AGMO: variants seen among roughly 807,000 people sequenced by gnomAD.
The protein encoded by AGMO is alkylglycerol monooxygenase.
A neutral mutation model predicts 60.2 loss-of-function variants in AGMO; 75 were observed. The ratio of observed to expected loss-of-function variants is 1.25; its 90% CI spans 1.03 to 1.51. The LOEUF is 1.51. Ranked by LOEUF, AGMO falls within the 40% of genes most tolerant of loss-of-function variation. The pLI is 0.00. For missense variants in AGMO, 763 were observed against 525.5 expected, an observed-to-expected ratio of 1.45 and a Z score of -4.42; for synonymous variants, 261 against 177.1, an observed-to-expected ratio of 1.47 and a Z score of -3.76.
chr7:15,117,666 C>T, the AGMO span, among the ~76,000 whole-genome samples: 7 of 151,806 alleles, frequency 4.6e-5, no homozygotes, highest in African/African-American at 1.2e-4. Flanking sequence ...ACTCCTTGAA[C>T]GTGAAATTTT....
chr7:15,460,867 A>T (rs1055616320), intron 3 of AGMO, among the ~76,000 whole-genome samples: 1 of 152,178 alleles, frequency 6.6e-6, no homozygotes, highest in African/African-American at 2.4e-5. Context: ...TTCTTGATAA[A>T]GCTGAAGTGA....
intron 5 of AGMO, among the ~76,000 whole-genome samples, chr7:15,408,757 C>T (rs1043872833): frequency 8.6e-5 from 13 of 151,856 alleles, no homozygotes; most frequent in African/African-American, 2.4e-4. Context: ...ATTACATAAC[C>T]TCTGTATAGT....
chr7:15,470,640 C>T (rs1056974726), intron 3 of AGMO, among the ~76,000 whole-genome samples: 1 of 151,946 alleles, frequency 6.6e-6, no homozygotes, highest in African/African-American at 2.4e-5. Flanking sequence ...TGAAATTAAA[C>T]ATTAAGCAAT....
At chr7:15,391,024 C>T in intron 6 of AGMO, 119 bp from the exon 7 acceptor site, 2 of 607,046 alleles carry the variant, frequency 3.3e-6, no homozygotes, top group Non-Finnish European at 5.6e-6. Context: ...GTACAATTTC[C>T]CTGGGAATGT....
intron 12 of AGMO, among the ~76,000 whole-genome samples, chr7:15,287,147 G>A (rs1351503989): frequency 6.6e-6 from 1 of 151,988 alleles, no homozygotes; most frequent in Non-Finnish European, 1.5e-5. Context: ...GGTGATGAAT[G>A]CAATAAAATC....
chr7:15,320,531 G>A (rs939106413), intron 12 of AGMO, among the ~76,000 whole-genome samples: 2 of 152,048 alleles, frequency 1.3e-5, no homozygotes, highest in Non-Finnish European at 2.9e-5. Flanking sequence ...CTTCATTCAT[G>A]CATTAAAAGA....
intron 12 of AGMO, among the ~76,000 whole-genome samples, chr7:15,247,312 T>G (rs1782769086): frequency 6.6e-6 from 1 of 152,072 alleles, no homozygotes; most frequent in Non-Finnish European, 1.5e-5. Flanking sequence ...TATTTTTCTT[T>G]AAAATTTATT....
At chr7:15,202,253 A>C (rs889268032) in intron 12 of AGMO, among the ~76,000 whole-genome samples, 1 of 151,998 alleles carries the variant, frequency 6.6e-6, no homozygotes, top group African/African-American at 2.4e-5. Flanking sequence ...CTATACCTGG[A>C]AGATTCACTG....
At chr7:15,374,443 G>C (rs542733039) in intron 10 of AGMO, among the ~76,000 whole-genome samples, 1 of 151,926 alleles carries the variant, frequency 6.6e-6, no homozygotes, top group African/African-American at 2.4e-5. Flanking sequence ...ACAAAAAATT[G>C]TAAGAAATAA....
chr7:15,275,663 G>T (rs1380722971), intron 12 of AGMO, among the ~76,000 whole-genome samples: 1 of 152,030 alleles, frequency 6.6e-6, no homozygotes, highest in African/African-American at 2.4e-5. Context: ...CACTGCTATT[G>T]TGTTGCTATG....
chr7:15,133,637 G>T, the AGMO span, among the ~76,000 whole-genome samples: 40 of 152,120 alleles, frequency 2.6e-4, no homozygotes, highest in African/African-American at 8.2e-4. Context: ...TATAAAAGTG[G>T]ACTTAAACAA....
chr7:15,357,829 C>T (rs571739878), intron 12 of AGMO, among the ~76,000 whole-genome samples: 1 of 152,302 alleles, frequency 6.6e-6, no homozygotes, highest in Non-Finnish European at 1.5e-5. Context: ...GAAAACACCA[C>T]AGAAATTGTG....
At chr7:15,485,273 T>C (rs1048818853) in intron 3 of AGMO, among the ~76,000 whole-genome samples, 1 of 151,236 alleles carries the variant, frequency 6.6e-6, no homozygotes, top group African/African-American at 2.4e-5. Flanking sequence ...GCCGAGATCA[T>C]GCCATTGCAC....
intron 12 of AGMO, among the ~76,000 whole-genome samples, chr7:15,228,988 A>T (rs1782171534): frequency 6.6e-6 from 1 of 152,110 alleles, no homozygotes; most frequent in Non-Finnish European, 1.5e-5. Context: ...TGCTTTCAGG[A>T]TTTAAATAAA....
chr7:15,246,326 C>T (rs1044383144), intron 12 of AGMO, among the ~76,000 whole-genome samples: 1 of 151,930 alleles, frequency 6.6e-6, no homozygotes, highest in African/African-American at 2.4e-5. Flanking sequence ...CTGTGAACTG[C>T]TGTTATTAAA....
At chr7:15,190,119 ATATATATT>A in the AGMO span, among the ~76,000 whole-genome samples, 2 of 1,454 alleles carry the variant, frequency 1.4e-3, no homozygotes, top group Non-Finnish European at 2.7e-3. Context: ...ATATATATAT[ATATATATT>A]TATATATATA....
At chr7:15,216,308 G>T (rs1165365353) in intron 12 of AGMO, among the ~76,000 whole-genome samples, 1 of 152,084 alleles carries the variant, frequency 6.6e-6, no homozygotes, top group African/African-American at 2.4e-5. Flanking sequence ...TCCACAGAGG[G>T]GTTGCCTGCT....
At chr7:15,280,449 A>G (rs1783931078) in intron 12 of AGMO, among the ~76,000 whole-genome samples, 1 of 152,214 alleles carries the variant, frequency 6.6e-6, no homozygotes, top group Non-Finnish European at 1.5e-5. Context: ...TTGCCCTGGA[A>G]GCAGAAAGCC....
At chr7:15,179,669 C>CA in the AGMO span, among the ~76,000 whole-genome samples, 1 of 152,070 alleles carries the variant, frequency 6.6e-6, no homozygotes, top group Non-Finnish European at 1.5e-5. Context: ...AAACCCTACT[C>CA]TCATGACTCC....
Sources: gnomAD v4.1 joint callset for allele counts (sites outside exome capture counted in the v4.1 genomes callset) on GRCh38, gnomAD v4.1.1 for gene constraint, MANE v1.5 for transcripts, NCBI Gene and HGNC (gene_info 2026-07-23, HGNC 2026-07-21) for gene names.